The following ANKRD62 variants were observed in gnomAD, a reference collection of about 807,000 sequenced individuals.
ANKRD62 encodes ankyrin repeat domain 62.
ANKRD62 carries 61 observed loss-of-function variants against 98.8 expected under a neutral mutation model. The observed-to-expected ratio is 0.62, with a 90% confidence interval of 0.50 to 0.76. ANKRD62 has a LOEUF of 0.76. ANKRD62 is among the 30% of genes least tolerant of loss of function. The probability of loss-of-function intolerance (pLI) is 0.00; values close to 1 mark genes in which losing one functional copy is unlikely to be tolerated. For synonymous variants in ANKRD62, 341 were observed against 367.9 expected (o/e 0.93, Z 0.84); for missense variants, 933 against 1,082.9 (o/e 0.86, Z 1.94).
chr18:12,153,619 G>GAAAA, the ANKRD62 span, among the ~76,000 whole-genome samples: 353 of 147,650 alleles, frequency 2.4e-3, 2 homozygotes, highest in African/African-American at 8.1e-3. Flanking sequence ...AAGAAAGAAA[G>GAAAA]AAAAAAATGA....
the ANKRD62 span, among the ~76,000 whole-genome samples, chr18:12,165,626 G>T: frequency 6.6e-6 from 1 of 151,958 alleles, no homozygotes; most frequent in African/African-American, 2.4e-5. Flanking sequence ...AGAAGTTGTG[G>T]TTATTGATTT....
chr18:12,156,459 T>G, the ANKRD62 span, among the ~76,000 whole-genome samples: 3 of 149,448 alleles, frequency 2.0e-5, no homozygotes, highest in Non-Finnish European at 4.4e-5. Flanking sequence ...TGAAATCTGT[T>G]TTTTAATCTA....
chr18:12,107,774 T>C (rs555422837), intron 8 of ANKRD62, among the ~76,000 whole-genome samples: 15 of 152,196 alleles, frequency 9.9e-5, no homozygotes, highest in Non-Finnish European at 1.8e-4. Context: ...ATTTTAAATA[T>C]ATCATTTCGT....
At position 12,115,073 on chromosome 18, in the gene ANKRD62, TG is replaced by T; in HGVS notation, c.1065-13del. On this transcript the variant is annotated splice_polypyrimidine_tract_variant and intron_variant, in intron 8 of 13. Coordinates refer to ENST00000587848, the MANE Select transcript of ANKRD62 (RefSeq NM_001277333.2). Reference sequence around the variant, plus strand: ...TACTATTTGCCTGATTGGAATTTTTTGGTTTTTTTTTTAGGCTTGCAAGGAA... The same window carrying T: ...TACTATTTGCCTGATTGGAATTTTTTGTTTTTTTTTTAGGCTTGCAAGGAA... The T allele has an allele frequency of 7.2e-7, 1 of 1,398,060 alleles. No homozygotes were observed. The highest frequency in any genetic ancestry group is 9.2e-7 in the Non-Finnish European group (1 of 1,083,512). 86.6% of individuals were successfully genotyped at this position (1,398,060 alleles called of 1,614,324 possible).
the ANKRD62 span, among the ~76,000 whole-genome samples, chr18:12,138,703 G>A: frequency 6.6e-6 from 1 of 152,164 alleles, no homozygotes; most frequent in Admixed American, 6.5e-5. Flanking sequence ...AGGTCACTCA[G>A]GACTTGCTTT....
At chr18:12,181,222 A>G in the ANKRD62 span, among the ~76,000 whole-genome samples, 2 of 152,218 alleles carry the variant, frequency 1.3e-5, no homozygotes, top group Non-Finnish European at 2.9e-5. Context: ...TGTGATGAAT[A>G]AAAATACCAT....
chr18:12,101,327 C>G (rs887072165), intron 6 of ANKRD62, among the ~76,000 whole-genome samples: 39 of 152,120 alleles, frequency 2.6e-4, no homozygotes, highest in African/African-American at 9.2e-4. Context: ...AAGTAAAACA[C>G]ATTTGAGACT....
chr18:12,140,087 A>G, the ANKRD62 span, among the ~76,000 whole-genome samples: 10 of 152,012 alleles, frequency 6.6e-5, no homozygotes, highest in African/African-American at 2.4e-4. Flanking sequence ...CACGCTTCAT[A>G]TCATTCATTT....
At chr18:12,132,474 A>G (rs369218900), downstream of ANKRD62, among the ~76,000 whole-genome samples, 3 of 150,942 alleles carry the variant, frequency 2.0e-5, no homozygotes, top group East Asian at 1.9e-4. Flanking sequence ...CCTTCTCCCA[A>G]CTCCCTTTTA....
In ANKRD62 at chr18:12,113,625, C is replaced by CA. The variant is rs796841416; in HGVS notation, c.1065-1452dup. Among the ~76,000 whole-genome samples, 1,142 of 143,778 alleles carry CA rather than the reference C, an allele frequency of 7.9e-3. 7 individuals carry two copies. The highest frequency in any genetic ancestry group is 0.01 in the African/African-American group (402 of 39,062). The allele number at this position is 143,778 out of a possible 152,430, so 94.3% of individuals were successfully genotyped here. A position where few individuals can be genotyped will look rare whatever the true frequency, so the allele number is the denominator to read the frequency against. Reference sequence around the variant, plus strand: ...TGGGTGACAGACTGAGACTCCGTCTCAAAAAAAAAAAGTACAAAAATAACA... The same window carrying CA: ...TGGGTGACAGACTGAGACTCCGTCTCAAAAAAAAAAAAGTACAAAAATAACA... On this transcript the variant is annotated intron_variant, in intron 8 of 13. Coordinates refer to ENST00000587848, the MANE Select transcript of ANKRD62 (RefSeq NM_001277333.2).
chr18:12,105,165 GAGAAAA>G (rs1909385806), intron 7 of ANKRD62, among the ~76,000 whole-genome samples: 1 of 152,064 alleles, frequency 6.6e-6, no homozygotes, highest in Non-Finnish European at 1.5e-5. Flanking sequence ...TTAAGTATGT[GAGAAAA>G]AGAAAAAGCG....
At position 12,126,168 on chromosome 18, in the gene ANKRD62, A is replaced by C. The variant is rs1243808388; in HGVS notation, c.2347A>C (p.Asn783His). ...EDGLFQLQSQNLLYQQQCNDA... is the reference protein window; with the variant it reads ...EDGLFQLQSQHLLYQQQCNDA... ...TGGACTATTTCAACTACAAAGCCAA[A>C]ATCTGTTGTATCAACAGCAGTGTAA... The change falls in exon 13 of 14, where the codon AAT becomes CAT. Residue 783 changes from asparagine (N) to histidine (H), a missense_variant. Asn to His is a moderately conservative substitution (Grantham distance 68). Around this residue, in one of 3 missense-constraint regions of ANKRD62, gnomAD observed 362 missense variants for 434.5 expected, o/e 0.83. Transcript: ENST00000587848. 5 of 1,536,096 alleles carry C rather than the reference A, an allele frequency of 3.3e-6. 1 individual carries two copies. The highest frequency in any genetic ancestry group is 4.4e-6 in the Non-Finnish European group (5 of 1,146,856).
At chr18:12,164,969 G>T in the ANKRD62 span, among the ~76,000 whole-genome samples, 3 of 151,942 alleles carry the variant, frequency 2.0e-5, no homozygotes, top group African/African-American at 7.2e-5. Flanking sequence ...CCAGTGGAGG[G>T]TGCATATGTA....
At chr18:12,145,106 T>C in the ANKRD62 span, among the ~76,000 whole-genome samples, 1 of 151,898 alleles carries the variant, frequency 6.6e-6, no homozygotes, top group South Asian at 2.1e-4. Flanking sequence ...TTGCACCATG[T>C]TTTTGTAGAA....
chr18:12,099,782 A>G (rs1040544026), intron 6 of ANKRD62, 100 bp downstream of exon 6: 2 of 506,988 alleles, frequency 3.9e-6, no homozygotes, highest in Non-Finnish European at 6.3e-6. Context: ...TAAAAAAACC[A>G]CTGTAAATTG....
At chr18:12,114,452 A>G (rs1909615460) in intron 8 of ANKRD62, among the ~76,000 whole-genome samples, 1 of 152,258 alleles carries the variant, frequency 6.6e-6, no homozygotes, top group Admixed American at 6.5e-5. Context: ...TTTTGGAGCC[A>G]AAGTTCTTGG....
rs766413939 is a variant in ANKRD62, at chr18:12,099,674, G to A, written c.812G>A (p.Ser271Asn). 1.8e-5 allele frequency: 26 copies of A among 1,475,446 alleles called. No individual in the cohort carries two copies. In the South Asian group the frequency reaches 2.9e-4, roughly 16 times the overall value. 91.4% of individuals were successfully genotyped at this position (1,475,446 alleles called of 1,614,324 possible). A position where few individuals can be genotyped will look rare whatever the true frequency, so the allele number is the denominator to read the frequency against. Reference protein sequence around the residue: ...ANKRCKSLQNSNSEQDLEMTS... With the variant: ...ANKRCKSLQNNNSEQDLEMTS... ...AAGAGATGTAAAAGTCTTCAAAATA[G>A]CAATTCAGGTATGACTTCTGATAGT... The change falls in exon 6 of 14, where the codon AGC (serine) becomes AAC (asparagine). Residue 271 changes from serine (S) to asparagine (N), a missense_variant. By Grantham distance (46) the Ser-to-Asn change is conservative (BLOSUM62 1). Around this residue, in one of 3 missense-constraint regions of ANKRD62, gnomAD observed 549 missense variants for 587.9 expected, o/e 0.93. Transcript: ENST00000587848.
rs1909106686 is a variant in ANKRD62 at position 12,093,994 on chromosome 18, T to A, written c.-24T>A. On this transcript the variant is annotated 5_prime_UTR_variant, in exon 1 of 14. Coordinates refer to ENST00000587848, the MANE Select transcript of ANKRD62 (RefSeq NM_001277333.2). ...GGTGTCTTAAAGCCGTTCCTCAGCC[T>A]GGGAGAAGATCTCTGGCTTCAGGAT... is the stretch of plus-strand genomic sequence containing the variant. 1 of 1,533,792 alleles carries A rather than the reference T, an allele frequency of 6.5e-7. No homozygotes were observed. Among genetic ancestry groups the A allele is most frequent in the African/African-American group, 1.4e-5 (1 of 72,906 alleles).
intron 13 of ANKRD62, among the ~76,000 whole-genome samples, chr18:12,127,287 A>C (rs1909912570): frequency 6.6e-6 from 1 of 152,202 alleles, no homozygotes; most frequent in Non-Finnish European, 1.5e-5. Flanking sequence ...AGCCAGGTTA[A>C]CTAGAGCCTC....
Sources: allele counts gnomAD v4.1 joint callset (sites outside exome capture counted in the v4.1 genomes callset), GRCh38; gene constraint gnomAD v4.1.1; regional missense constraint gnomAD v4.1.1; transcripts MANE v1.5; gene names NCBI Gene and HGNC (gene_info 2026-07-23, HGNC 2026-07-21).